TTI2: variants seen among roughly 807,000 people sequenced by gnomAD.
TTI2 encodes TELO2-interacting protein 2.
In TTI2, 26 loss-of-function variants were observed where a neutral mutation model predicts 44.9. The ratio of observed to expected loss-of-function variants is 0.58; its 90% CI spans 0.42 to 0.80. TTI2 has a LOEUF of 0.80. Ranked by LOEUF, TTI2 falls within the 30% of genes least tolerant of loss-of-function variation. The probability of loss-of-function intolerance (pLI) is 0.00; values close to 1 mark genes in which losing one functional copy is unlikely to be tolerated. For synonymous variants in TTI2, 254 were observed against 250.9 expected, an observed-to-expected ratio of 1.01 and a Z score of -0.12; for missense variants, 582 against 611.6, an observed-to-expected ratio of 0.95 and a Z score of 0.51.
At chr8:33,507,039 T>C (rs548842666) in intron 4 of TTI2, among the ~76,000 whole-genome samples, 190 bp downstream of exon 4, 1 of 152,310 alleles carries the variant, frequency 6.6e-6, no homozygotes, top group South Asian at 2.1e-4. Flanking sequence ...AACACTGTCT[T>C]ATCTGTGGAG....
At chr8:33,504,289 A>ATTTTTTTTTTTTTTTTTTTTTTTTTTTTT (rs1169577360) in intron 4 of TTI2, among the ~76,000 whole-genome samples, 1 of 72,978 alleles carries the variant, frequency 1.4e-5, no homozygotes, top group Non-Finnish European at 2.4e-5. Context: ...ATATTTACAC[A>ATTTTTTTTTTTTTTTTTTTTTTTTTTTTT]TTTTTTTTTT....
chr8:33,500,284 A>G (rs765248619), intron 7 of TTI2, 44 bp downstream of exon 7: 2 of 1,610,194 alleles, frequency 1.2e-6, no homozygotes, highest in South Asian at 2.2e-5. Context: ...GAATTACATA[A>G]GGATAATGAG....
At chr8:33,499,566 A>C (rs1224365003) in intron 7 of TTI2, 22 of 324,762 alleles carry the variant, frequency 6.8e-5, no homozygotes, top group Non-Finnish European at 9.8e-5. Context: ...AGTTGGATCT[A>C]GGGCTTGAAA....
intron 2 of TTI2, among the ~76,000 whole-genome samples, chr8:33,510,910 T>C (rs1414377808): frequency 6.6e-6 from 1 of 152,196 alleles, no homozygotes; most frequent in African/African-American, 2.4e-5. Flanking sequence ...TGCTTTTCAC[T>C]TTTTATCCTA....
At chr8:33,504,087 C>G in intron 4 of TTI2, 152 bp from the exon 5 acceptor site, 1 of 808,252 alleles carries the variant, frequency 1.2e-6, no homozygotes. Context: ...CTGCACATTA[C>G]TTTACATTTT....
Position 33,507,329 on chromosome 8 carries a change from C to A in TTI2, c.835-8G>T. ...GAGCAAATCAGCAGCTGGCTGCAAC[C>A]AGACAAATCGTCAAATTAAAAGAAT... On this transcript the variant is annotated splice_region_variant and splice_polypyrimidine_tract_variant and intron_variant, in intron 3 of 7. Coordinates refer to ENST00000431156, the MANE Select transcript of TTI2 (RefSeq NM_001102401.4). 6.2e-7 allele frequency: 1 copy of A among 1,613,408 alleles called. No individual in the cohort carries two copies. The highest frequency in any genetic ancestry group is 1.7e-5 in the Admixed American group (1 of 59,992).
intron 6 of TTI2, among the ~76,000 whole-genome samples, chr8:33,501,949 T>A (rs1016243033): frequency 6.6e-6 from 1 of 152,136 alleles, no homozygotes; most frequent in African/African-American, 2.4e-5. Flanking sequence ...TTTATTATTT[T>A]TTTTTATATT....
At chr8:33,505,761 C>A (rs1483398367) in intron 4 of TTI2, among the ~76,000 whole-genome samples, 8 of 152,164 alleles carry the variant, frequency 5.3e-5, no homozygotes, top group Non-Finnish European at 1.2e-4. Flanking sequence ...TCAAGTGATT[C>A]TCCTGCTTCA....
At chr8:33,502,332 G>A (rs1809113475) in intron 6 of TTI2, among the ~76,000 whole-genome samples, 1 of 152,094 alleles carries the variant, frequency 6.6e-6, no homozygotes, top group Admixed American at 6.6e-5. Context: ...AAGAACATTA[G>A]GATTAACAAA....
chr8:33,508,554 T>C (rs187396571), intron 3 of TTI2, among the ~76,000 whole-genome samples: 64 of 136,972 alleles, frequency 4.7e-4, no homozygotes, highest in Admixed American at 4.4e-3. Flanking sequence ...GAGGTTGCAG[T>C]GAGCTAAGAT....
intron 4 of TTI2, among the ~76,000 whole-genome samples, chr8:33,504,583 T>C (rs1487047248): frequency 6.6e-6 from 1 of 152,000 alleles, no homozygotes; most frequent in Non-Finnish European, 1.5e-5. Context: ...TCTTTTGGCT[T>C]CCCTGGGTCA....
At chr8:33,499,379 G>T in intron 7 of TTI2, 102 bp from the exon 8 acceptor site, 2 of 856,850 alleles carry the variant, frequency 2.3e-6, no homozygotes, top group Non-Finnish European at 3.9e-6. Flanking sequence ...AAGGAGGAAA[G>T]AATGGATGAC....
At position 33,499,399 on chromosome 8, in the gene TTI2, C is replaced by T; in HGVS notation, c.1423-122G>A. 6 of 737,318 alleles carry T rather than the reference C, an allele frequency of 8.1e-6. No individual in the cohort carries two copies. The South Asian group carries it at 9.4e-5, about 12-fold the overall frequency. 45.7% of individuals were successfully genotyped at this position (737,318 alleles called of 1,614,324 possible). Reference sequence around the variant, plus strand: ...GGAAAGAATGGATGACACTTAGGGACAGGTCACTAAGCAGAATAGGTATTA... The same window carrying T: ...GGAAAGAATGGATGACACTTAGGGATAGGTCACTAAGCAGAATAGGTATTA... On this transcript the variant is annotated intron_variant, in intron 7 of 7. Coordinates refer to ENST00000431156, the MANE Select transcript of TTI2 (RefSeq NM_001102401.4).
Position 33,499,053 on chromosome 8 carries a change from G to C in TTI2, c.*120C>G. ...TGGAGGTAAAAGGAAAGGAAGGAAG[G>C]AAAAAGCAGCTTTCACTTACAAAGT... On this transcript the variant is annotated 3_prime_UTR_variant, in exon 8 of 8. Coordinates refer to ENST00000431156, the MANE Select transcript of TTI2 (RefSeq NM_001102401.4). 2.4e-6 allele frequency: 2 copies of C among 847,520 alleles called. No homozygotes were observed. The highest frequency in any genetic ancestry group is 3.0e-5 in the South Asian group (2 of 67,768). The allele number at this position is 847,520 out of a possible 1,614,324, so 52.5% of individuals were successfully genotyped here. A position where few individuals can be genotyped will look rare whatever the true frequency, so the allele number is the denominator to read the frequency against.
rs1452140215 is a variant in TTI2 at position 33,511,975 on chromosome 8, G to A, written c.639C>T (p.Asp213=). Residue 213 remains aspartate, a synonymous_variant, in exon 2 of 8, where the codon GAC becomes GAT. Coordinates refer to ENST00000431156, the MANE Select transcript of TTI2 (RefSeq NM_001102401.4). ...AGGGCAGGAGTACTCACTTATACAA[G>A]TCGGGTTTGAGAAGCCCTAGTATCA... The part of the protein sequence containing the change: ...LSVILGLLKP[D]LYKESWKNNP... 6.2e-7 allele frequency: 1 copy of A among 1,614,068 alleles called. No individual in the cohort carries two copies. The highest frequency in any genetic ancestry group is 2.2e-5 in the East Asian group (1 of 44,892).
chr8:33,500,690 C>T (rs1409515934), intron 6 of TTI2, 200 bp from the exon 7 acceptor site: 3 of 570,362 alleles, frequency 5.3e-6, no homozygotes, highest in East Asian at 3.2e-5. Flanking sequence ...AGCATACTGC[C>T]TATACACACA....
rs769847063 is a variant in TTI2 at position 33,512,687 on chromosome 8, G to C, written c.-74C>G. 4.6e-4 allele frequency: 702 copies of C among 1,537,084 alleles called. 1 individual carries two copies. The highest frequency in any genetic ancestry group is 2.1e-3 in the Admixed American group (119 of 55,550). Reference sequence around the variant, plus strand: ...GAGGCGGGGAGGGATCCGTTGAAGAGGGAAGGAGCGATCACCCAAAGAGAA... The same window carrying C: ...GAGGCGGGGAGGGATCCGTTGAAGACGGAAGGAGCGATCACCCAAAGAGAA... On this transcript the variant is annotated 5_prime_UTR_variant, in exon 2 of 8. Transcript: ENST00000431156.
Position 33,512,097 on chromosome 8 carries a change from T to C in TTI2, c.517A>G (p.Arg173Gly), listed in dbSNP as rs1018296439. 6.2e-7 allele frequency: 1 copy of C among 1,614,064 alleles called. No homozygotes were observed. Among genetic ancestry groups the C allele is most frequent in the Non-Finnish European group, 8.5e-7 (1 of 1,180,010 alleles). The change falls in exon 2 of 8, where the codon AGG becomes GGG. Residue 173 changes from arginine to glycine, a missense_variant. Transcript: ENST00000431156. ...TGAAGCAGTGAGGTGAGCACCTCCCTAGCAACTTCCCGAGATCTCGGAGTG... is the reference window on the plus strand; with the variant it reads ...TGAAGCAGTGAGGTGAGCACCTCCCCAGCAACTTCCCGAGATCTCGGAGTG... ...WTTPRSREVAREVLTSLLQVT... is the reference protein window; with the variant it reads ...WTTPRSREVAGEVLTSLLQVT...
chr8:33,512,124 TC>T lies in TTI2; in HGVS notation c.489del (p.Trp163Ter), dbSNP rs749233205. The part of the protein sequence containing the change: ...FAITHSLEQP[W>X]TTPRSREVAR... ...GCAACTTCCCGAGATCTCGGAGTGG[TC>T]CATGGTTGCTCCAAGCTGTGTGTGA... is the stretch of plus-strand genomic sequence containing the variant. On this transcript the variant is annotated frameshift_variant, in exon 2 of 8. Coordinates refer to ENST00000431156, the MANE Select transcript of TTI2 (RefSeq NM_001102401.4). LOFTEE classifies it high-confidence loss of function. 35 of 1,613,922 alleles carry T rather than the reference TC, an allele frequency of 2.2e-5. No homozygotes were observed. Among genetic ancestry groups the T allele is most frequent in the Non-Finnish European group, 2.9e-5 (34 of 1,179,986 alleles).
Sources: gnomAD v4.1 joint callset for allele counts (sites outside exome capture counted in the v4.1 genomes callset) on GRCh38, gnomAD v4.1.1 for gene constraint, MANE v1.5 for transcripts, NCBI Gene and HGNC (gene_info 2026-07-23, HGNC 2026-07-21) for gene names.